The following KLF12 variants were observed in gnomAD, a reference collection of about 807,000 sequenced individuals.
The protein encoded by KLF12 is Krueppel-like factor 12.
KLF12 carries 9 observed loss-of-function variants against 37.8 expected under a neutral mutation model. The observed-to-expected ratio is 0.24, with a 90% CI of 0.14 to 0.42. KLF12 has a LOEUF of 0.42. Among genes scored for constraint, KLF12 ranks in the 10% least tolerant of loss-of-function variants. The probability of loss-of-function intolerance (pLI) is 1.00; values close to 1 mark genes in which losing one functional copy is unlikely to be tolerated. For synonymous variants in KLF12, 208 were observed against 202.1 expected (o/e 1.03, Z -0.25); for missense variants, 411 against 516.0 (o/e 0.80, Z 1.97).
chr13:73,739,266 AATAATAAT>A (rs1414758111), intron 6 of KLF12, among the ~76,000 whole-genome samples: 9 of 150,076 alleles, frequency 6.0e-5, no homozygotes, highest in African/African-American at 2.0e-4. Flanking sequence ...TAATAATAAT[AATAATAAT>A]AAATGTACTT....
At chr13:74,173,683 T>C in the KLF12 span, among the ~76,000 whole-genome samples, 100 of 152,354 alleles carry the variant, frequency 6.6e-4, no homozygotes, top group African/African-American at 2.1e-3. Flanking sequence ...GTTACATGAA[T>C]AAGAAATAAA....
At chr13:74,286,541 G>A in the KLF12 span, among the ~76,000 whole-genome samples, 1 of 152,126 alleles carries the variant, frequency 6.6e-6, no homozygotes, top group South Asian at 2.1e-4. Context: ...TAGAAGGCAG[G>A]TAATACCATC....
intron 3 of KLF12, among the ~76,000 whole-genome samples, chr13:73,910,576 G>A (rs1381979174): frequency 6.6e-6 from 1 of 152,118 alleles, no homozygotes; most frequent in Non-Finnish European, 1.5e-5. Context: ...ATAGTTAAGA[G>A]GGGTAGGAGA....
intron 3 of KLF12, among the ~76,000 whole-genome samples, chr13:73,872,840 G>A (rs184485695): frequency 8.7e-4 from 132 of 152,270 alleles, no homozygotes; most frequent in Middle Eastern, 3.4e-3. Flanking sequence ...TTCTCAAAAA[G>A]AGCCAAGCTT....
intron 1 of KLF12, among the ~76,000 whole-genome samples, chr13:74,072,406 T>TATATATAAAA (rs1487459834): frequency 1.7e-5 from 2 of 119,726 alleles, no homozygotes; most frequent in African/African-American, 6.1e-5. Flanking sequence ...TATATATATA[T>TATATATAAAA]AAAAGATTAT....
At chr13:73,945,536 T>A (rs1890384322) in intron 2 of KLF12, among the ~76,000 whole-genome samples, 1 of 152,238 alleles carries the variant, frequency 6.6e-6, no homozygotes, top group Non-Finnish European at 1.5e-5. Context: ...TATTACCAAA[T>A]AATACCAACA....
chr13:73,977,390 T>C (rs920512721), intron 2 of KLF12, among the ~76,000 whole-genome samples: 1 of 152,204 alleles, frequency 6.6e-6, no homozygotes, highest in South Asian at 2.1e-4. Flanking sequence ...TTTACAAAAA[T>C]TACCCTTGAA....
At position 74,059,570 on chromosome 13, in the gene KLF12, C is replaced by T. The variant is rs181688173; in HGVS notation, c.-31-64517G>A. On this transcript the variant is annotated intron_variant, in intron 1 of 7. Coordinates refer to ENST00000377669, the MANE Select transcript of KLF12 (RefSeq NM_007249.5). ...TTGAGCATTTCTTCATGTTTGTTGG[C>T]CACTTACATGTCTTCTTTTCAGAAG... 3.1e-3 allele frequency among the ~76,000 whole-genome samples: 479 copies of T among 152,264 alleles called. 3 individuals are homozygous for T. Among genetic ancestry groups the T allele is most frequent in the South Asian group, 0.013 (63 of 4,830 alleles).
In KLF12 at chr13:73,852,154, G is replaced by A. The variant is rs1885366511; in HGVS notation, c.124-5781C>T. On this transcript the variant is annotated intron_variant, in intron 3 of 7. Coordinates refer to ENST00000377669, the MANE Select transcript of KLF12 (RefSeq NM_007249.5). ...AAGGGAAGCCTATTTTTCAATATTT[G>A]TCTTGCATGAGCCCCCATGGTCATA... is the stretch of plus-strand genomic sequence containing the variant. Among the ~76,000 whole-genome samples, 3 of 152,194 alleles carry A rather than the reference G, an allele frequency of 2.0e-5. No individual in the cohort carries two copies. In the South Asian group the frequency reaches 6.2e-4, roughly 32 times the overall value.
intron 3 of KLF12, among the ~76,000 whole-genome samples, chr13:73,868,692 A>G (rs1886319850): frequency 1.3e-5 from 2 of 152,162 alleles, no homozygotes; most frequent in South Asian, 4.1e-4. Context: ...CGCCTGGCCT[A>G]AAAACAATAA....
the KLF12 span, among the ~76,000 whole-genome samples, chr13:74,170,178 A>G: frequency 7.0e-6 from 1 of 142,598 alleles, no homozygotes; most frequent in African/African-American, 2.9e-5. Context: ...TCTGCGCAAG[A>G]AGAAGAAAGT....
chr13:73,872,018 C>T (rs926936583), intron 3 of KLF12, among the ~76,000 whole-genome samples: 3 of 152,148 alleles, frequency 2.0e-5, no homozygotes, highest in African/African-American at 7.2e-5. Context: ...CATATTAAGG[C>T]TTGAATCAAA....
At position 73,755,545 on chromosome 13, in the gene KLF12, G is replaced by T. The variant is rs200980297; in HGVS notation, c.869+9393C>A. ...ATGTCAATGAATGTCCTAGGTGGTA[G>T]TAAGAGATTCCTTTTACATAAAGTT... On this transcript the variant is annotated intron_variant, in intron 6 of 7. Transcript: ENST00000377669. 2.0e-5 allele frequency among the ~76,000 whole-genome samples: 3 copies of T among 152,098 alleles called. No individual in the cohort carries two copies. In the East Asian group the frequency reaches 5.8e-4, roughly 29 times the overall value.
intron 1 of KLF12, among the ~76,000 whole-genome samples, chr13:74,128,371 C>T (rs753845073): frequency 4.0e-5 from 6 of 148,338 alleles, no homozygotes; most frequent in African/African-American, 7.3e-5. Flanking sequence ...AGTGTGGGGG[C>T]GGTGGAGGTA....
intron 6 of KLF12, among the ~76,000 whole-genome samples, chr13:73,748,270 G>A (rs1878507483): frequency 6.6e-6 from 1 of 152,000 alleles, no homozygotes; most frequent in Non-Finnish European, 1.5e-5. Context: ...ATCAGAAGTT[G>A]GTATTTTAAT....
chr13:74,189,425 G>A, the KLF12 span, among the ~76,000 whole-genome samples: 3 of 152,154 alleles, frequency 2.0e-5, no homozygotes, highest in African/African-American at 2.4e-5. Context: ...TTCCCTTTCC[G>A]TAGATGGCAC....
chr13:73,813,331 GA>G, intron 4 of KLF12, 44 bp from the exon 5 acceptor site: 1 of 1,609,150 alleles, frequency 6.2e-7, no homozygotes, highest in Non-Finnish European at 8.5e-7. Context: ...TCAGTGCGCA[GA>G]AAGTTAACCT....
At chr13:73,831,593 C>T (rs1470384236) in intron 4 of KLF12, among the ~76,000 whole-genome samples, 2 of 152,118 alleles carry the variant, frequency 1.3e-5, no homozygotes, top group Non-Finnish European at 2.9e-5. Flanking sequence ...ACTAAAGCGC[C>T]GTGTTAGCCT....
At chr13:73,795,725 T>C (rs1264461352) in intron 5 of KLF12, among the ~76,000 whole-genome samples, 4 of 152,184 alleles carry the variant, frequency 2.6e-5, no homozygotes, top group Non-Finnish European at 2.9e-5. Flanking sequence ...GTTAGAGAGC[T>C]ATAAAATATG....
Sources: allele counts gnomAD v4.1 joint callset (sites outside exome capture counted in the v4.1 genomes callset), GRCh38; gene constraint gnomAD v4.1.1; transcripts MANE v1.5; gene names NCBI Gene and HGNC (gene_info 2026-07-23, HGNC 2026-07-21).